Variants in PRKAA2 observed in about 807,000 individuals in gnomAD.
PRKAA2 encodes the protein protein kinase AMP-activated catalytic subunit alpha 2, also known as 5'-AMP-activated protein kinase catalytic subunit alpha-2.
Under a neutral mutation model 56.3 loss-of-function variants are expected in PRKAA2, and 40 were observed. The observed-to-expected ratio is 0.71, with a 90% CI of 0.55 to 0.92. The LOEUF (loss-of-function observed/expected upper bound fraction) is 0.92, where lower values mean the gene tolerates loss of function less well. Ranked by LOEUF, PRKAA2 falls within the 40% of genes least tolerant of loss-of-function variation. The pLI is 0.00. For synonymous variants in PRKAA2, 214 were observed against 234.2 expected (o/e 0.91, Z 0.79); for missense variants, 542 against 686.9 (o/e 0.79, Z 2.36).
In PRKAA2 at chr1:56,675,977, G is replaced by A. The variant is rs201959188; in HGVS notation, c.236+1455G>A. Among the ~76,000 whole-genome samples, 4 of 132,098 alleles carry A rather than the reference G, an allele frequency of 3.0e-5. No homozygotes were observed. In the South Asian group the frequency reaches 9.9e-4, roughly 33 times the overall value. 86.7% of individuals were successfully genotyped at this position (132,098 alleles called of 152,430 possible). On this transcript the variant is annotated intron_variant, in intron 2 of 8. Coordinates refer to ENST00000371244, the MANE Select transcript of PRKAA2 (RefSeq NM_006252.4). The stretch of plus-strand genomic sequence containing the variant: ...TATTAAAAAAGAAGTATTAATAACT[G>A]AGATGTTATTTGCTAGTTCATTAAA...
intron 7 of PRKAA2, 67 bp downstream of exon 7, chr1:56,704,542 G>A: frequency 6.6e-7 from 1 of 1,505,278 alleles, no homozygotes; most frequent in Non-Finnish European, 8.8e-7. Flanking sequence ...GCTGCTCTGA[G>A]CTCCTGAGTT....
At chr1:56,669,930 A>G (rs1214555351) in intron 1 of PRKAA2, among the ~76,000 whole-genome samples, 1 of 152,178 alleles carries the variant, frequency 6.6e-6, no homozygotes, top group Non-Finnish European at 1.5e-5. Flanking sequence ...TCTGTGTGAC[A>G]ATTCTTCACC....
intron 1 of PRKAA2, among the ~76,000 whole-genome samples, chr1:56,657,448 C>T (rs1023179643): frequency 1.2e-4 from 18 of 152,194 alleles, no homozygotes; most frequent in African/African-American, 3.6e-4. Flanking sequence ...GAGGCCAAGG[C>T]GGGGATCACC....
intron 2 of PRKAA2, among the ~76,000 whole-genome samples, chr1:56,682,610 A>G (rs932340541): frequency 6.6e-6 from 1 of 152,184 alleles, no homozygotes; most frequent in Non-Finnish European, 1.5e-5. Context: ...AAGAAATTTG[A>G]TTGTGTTCTA....
At chr1:56,663,444 G>A (rs1270800348) in intron 1 of PRKAA2, among the ~76,000 whole-genome samples, 4 of 152,118 alleles carry the variant, frequency 2.6e-5, no homozygotes, top group Admixed American at 6.5e-5. Flanking sequence ...CCACCTCTTG[G>A]TAGCCATTGT....
intron 6 of PRKAA2, among the ~76,000 whole-genome samples, chr1:56,701,087 A>T (rs1644290465): frequency 6.6e-6 from 1 of 152,198 alleles, no homozygotes; most frequent in Non-Finnish European, 1.5e-5. Context: ...CGGTGTTCTG[A>T]AAAAGTTGAT....
intron 2 of PRKAA2, among the ~76,000 whole-genome samples, chr1:56,684,628 T>C (rs1644178758): frequency 6.6e-6 from 1 of 152,162 alleles, no homozygotes; most frequent in South Asian, 2.1e-4. Context: ...TCACCAACTG[T>C]CCCTTTTACT....
chr1:56,690,310 C>T (rs960561169), intron 2 of PRKAA2, among the ~76,000 whole-genome samples: 3 of 151,950 alleles, frequency 2.0e-5, no homozygotes, highest in Admixed American at 6.6e-5. Context: ...ACTACAGGTG[C>T]CCGCCACCAT....
intron 1 of PRKAA2, among the ~76,000 whole-genome samples, chr1:56,654,709 A>G (rs1643926955): frequency 6.6e-6 from 1 of 152,162 alleles, no homozygotes; most frequent in South Asian, 2.1e-4. Flanking sequence ...GGTGTTATTA[A>G]GGAAAGAATT....
intron 6 of PRKAA2, among the ~76,000 whole-genome samples, chr1:56,698,501 T>C (rs1644273829): frequency 6.6e-6 from 1 of 152,194 alleles, no homozygotes; most frequent in Admixed American, 6.5e-5. Flanking sequence ...CTAACACATA[T>C]TAAATGTTAA....
chr1:56,689,197 G>A (rs1359240910), intron 2 of PRKAA2, among the ~76,000 whole-genome samples: 1 of 152,170 alleles, frequency 6.6e-6, no homozygotes, highest in Admixed American at 6.5e-5. Flanking sequence ...CCTACAGTGA[G>A]GTGCTACAGC....
At chr1:56,683,071 A>ATTTTT (rs10606990) in intron 2 of PRKAA2, among the ~76,000 whole-genome samples, 2 of 87,216 alleles carry the variant, frequency 2.3e-5, no homozygotes, top group African/African-American at 8.7e-5. Flanking sequence ...AAAGAAAGGA[A>ATTTTT]TTTTTTTTTT....
At position 56,707,797 on chromosome 1, in the gene PRKAA2, AC is replaced by A. The variant is rs1208137039; in HGVS notation, c.*85del. On this transcript the variant is annotated 3_prime_UTR_variant, in exon 9 of 9. Coordinates refer to ENST00000371244, the MANE Select transcript of PRKAA2 (RefSeq NM_006252.4). ...TTTATCTTACTTTTGGATAATATCC[AC>A]TGCAATACTAATTGAGAAACATGAA... 2 of 1,181,772 alleles carry A rather than the reference AC, an allele frequency of 1.7e-6. No homozygotes were observed. Among genetic ancestry groups the A allele is most frequent in the East Asian group, 4.7e-5 (2 of 42,622 alleles). The allele number at this position is 1,181,772 out of a possible 1,614,324, so 73.2% of individuals were successfully genotyped here.
In PRKAA2 at chr1:56,693,871, T is replaced by C. The variant is rs779697433; in HGVS notation, c.563+19T>C. The C allele has an allele frequency of 1.8e-5, 27 of 1,504,792 alleles. No individual in the cohort carries two copies. In the South Asian group the frequency reaches 2.7e-4, roughly 15 times the overall value. The allele number at this position is 1,504,792 out of a possible 1,614,324, so 93.2% of individuals were successfully genotyped here. ...CAGGCAGGTAATAATCAGTGAAGCA[T>C]AAGCTTTTTGTAATCTTGTGTTCAT... is the stretch of plus-strand genomic sequence containing the variant. On this transcript the variant is annotated intron_variant, in intron 5 of 8. Transcript: ENST00000371244.
intron 2 of PRKAA2, among the ~76,000 whole-genome samples, chr1:56,675,756 A>G (rs1343293939): frequency 6.6e-6 from 1 of 152,204 alleles, no homozygotes; most frequent in African/African-American, 2.4e-5. Flanking sequence ...CACAATTTAA[A>G]TACAAAAAAA....
intron 2 of PRKAA2, among the ~76,000 whole-genome samples, chr1:56,684,472 A>G (rs1644177779): frequency 6.6e-6 from 1 of 152,084 alleles, no homozygotes; most frequent in Non-Finnish European, 1.5e-5. Flanking sequence ...AAGTCCAAGG[A>G]CTGGGCTCTA....
At chr1:56,668,283 A>T (rs1569734669) in intron 1 of PRKAA2, among the ~76,000 whole-genome samples, 1 of 130,838 alleles carries the variant, frequency 7.6e-6, no homozygotes, top group African/African-American at 2.8e-5. Context: ...GGGAGGGGGG[A>T]GGGATAGCAT....
In PRKAA2 at chr1:56,706,137, A is replaced by T. The variant is rs1458906904; in HGVS notation, c.1339A>T (p.Thr447Ser). The T allele has an allele frequency of 6.2e-7, 1 of 1,613,058 alleles. No individual in the cohort carries two copies. The highest frequency in any genetic ancestry group is 1.1e-5 in the South Asian group (1 of 91,036). The change falls in exon 8 of 9, where the codon ACT becomes TCT. Residue 447 changes from threonine to serine, a missense_variant. Thr to Ser is a moderately conservative substitution (Grantham distance 58, BLOSUM62 1). This residue lies in a region of PRKAA2 where 158 missense variants were observed against 166.1 expected (regional missense o/e 0.95). Coordinates refer to ENST00000371244, the MANE Select transcript of PRKAA2 (RefSeq NM_006252.4). ...TCGTGTAAGAAGAAAAAATCCAGTG[A>T]CTGGCAATTACGTGAAAATGAGCTT... ...HLRVRRKNPV[T>S]GNYVKMSLQL...
rs139717080 is a variant in PRKAA2, at chr1:56,676,400, G to C, written c.236+1878G>C. On this transcript the variant is annotated intron_variant, in intron 2 of 8. Transcript: ENST00000371244. ...GAGAAGGACTCAACTGGCCGTTTCTGCGTTTGAAGATGGAGGAAAGGGAGC... is the reference window on the plus strand; with the variant it reads ...GAGAAGGACTCAACTGGCCGTTTCTCCGTTTGAAGATGGAGGAAAGGGAGC... Among the ~76,000 whole-genome samples the C allele has an allele frequency of 4.3e-3, 650 of 152,274 alleles. 10 individuals carry two copies. The highest frequency in any genetic ancestry group is 0.015 in the African/African-American group (621 of 41,560).
Sources: allele counts gnomAD v4.1 joint callset (sites outside exome capture counted in the v4.1 genomes callset), GRCh38; gene constraint gnomAD v4.1.1; regional missense constraint gnomAD v4.1.1; transcripts MANE v1.5; gene names NCBI Gene and HGNC (gene_info 2026-07-23, HGNC 2026-07-21).